The following MED13L variants were observed in gnomAD, a reference collection of about 807,000 sequenced individuals.
The protein encoded by MED13L is mediator complex subunit 13L.
In MED13L, 7 loss-of-function variants were observed where a neutral mutation model predicts 220.9. The ratio of observed to expected loss-of-function variants is 0.03; its 90% CI spans 0.02 to 0.06. The LOEUF (loss-of-function observed/expected upper bound fraction) is 0.06, where lower values mean the gene tolerates loss of function less well. Among genes scored for constraint, MED13L ranks in the 10% least tolerant of loss-of-function variants. The pLI is 1.00. For synonymous variants in MED13L, 1,011 were observed against 1,015.2 expected, an observed-to-expected ratio of 1.00 and a Z score of 0.08; for missense variants, 1,965 against 2,760.5, an observed-to-expected ratio of 0.71 and a Z score of 6.46.
At chr12:116,015,987 C>A (rs1354109356) in intron 7 of MED13L, among the ~76,000 whole-genome samples, 3 of 152,128 alleles carry the variant, frequency 2.0e-5, no homozygotes, top group African/African-American at 7.2e-5. Context: ...TAATCTATTT[C>A]TTTCAACTAT....
intron 2 of MED13L, among the ~76,000 whole-genome samples, chr12:116,119,956 C>T (rs1874895815): frequency 6.7e-6 from 1 of 148,494 alleles, no homozygotes; most frequent in Non-Finnish European, 1.5e-5. Flanking sequence ...AATGCTTTTA[C>T]ACCTACTGTT....
intron 2 of MED13L, chr12:116,148,630 TAC>T (rs781774720): frequency 0.012 from 2,190 of 179,824 alleles, 20 homozygotes; most frequent in Non-Finnish European, 0.019. Flanking sequence ...TATATATATA[TAC>T]GGAGCTAGAT....
chr12:116,163,137 C>T (rs1462898225), intron 2 of MED13L, among the ~76,000 whole-genome samples: 1 of 152,078 alleles, frequency 6.6e-6, no homozygotes, highest in East Asian at 1.9e-4. Context: ...TAAACTATTT[C>T]TTCTCAAATA....
chr12:116,004,690 T>C (rs1387235998), intron 13 of MED13L, among the ~76,000 whole-genome samples: 1 of 141,528 alleles, frequency 7.1e-6, no homozygotes, highest in Non-Finnish European at 1.6e-5. Flanking sequence ...CTTAAACTAA[T>C]GTCCCTCCCC....
At chr12:116,031,795 G>GAAAAAAA (rs1880856758) in intron 4 of MED13L, among the ~76,000 whole-genome samples, 1 of 147,804 alleles carries the variant, frequency 6.8e-6, no homozygotes, top group Non-Finnish European at 1.5e-5. Context: ...AAGGAAGGAA[G>GAAAAAAA]GAAGGAAAGA....
chr12:115,961,595 A>T (rs1383305039), intron 30 of MED13L, 197 bp from the exon 31 acceptor site: 1 of 737,074 alleles, frequency 1.4e-6, no homozygotes, highest in Non-Finnish European at 2.2e-6. Flanking sequence ...AGTAGCCAGC[A>T]GCCACACATG....
At chr12:116,084,471 G>C (rs1385725031) in intron 4 of MED13L, among the ~76,000 whole-genome samples, 1 of 151,972 alleles carries the variant, frequency 6.6e-6, no homozygotes, top group Non-Finnish European at 1.5e-5. Flanking sequence ...ATAATGTCTT[G>C]TTTCTTTCAC....
At position 116,172,370 on chromosome 12, in the gene MED13L, T is replaced by C. The variant is rs564869655; in HGVS notation, c.311-60858A>G. Among the ~76,000 whole-genome samples, 7 of 152,286 alleles carry C rather than the reference T, an allele frequency of 4.6e-5. No homozygotes were observed. In the East Asian group the frequency reaches 1.4e-3, roughly 29 times the overall value. On this transcript the variant is annotated intron_variant, in intron 2 of 30. Transcript: ENST00000281928. ...AGGTCACGTCAAACTGCCACTGCAT[T>C]GTTCCAGGTAGCCTGCTATGTCACT... is the stretch of plus-strand genomic sequence containing the variant.
At chr12:115,994,321 G>A (rs971360725) in intron 16 of MED13L, among the ~76,000 whole-genome samples, 4 of 152,088 alleles carry the variant, frequency 2.6e-5, no homozygotes, top group Admixed American at 6.5e-5. Flanking sequence ...GTGGTGGCAC[G>A]TGCCTGTAGT....
At chr12:116,024,921 A>C (rs957236500) in intron 4 of MED13L, among the ~76,000 whole-genome samples, 5 of 151,986 alleles carry the variant, frequency 3.3e-5, no homozygotes, top group African/African-American at 4.8e-5. Context: ...CCTTCTTTTA[A>C]ATCAAGTGTC....
chr12:116,006,024 A>G, intron 12 of MED13L, 31 bp from the exon 13 acceptor site: 1 of 1,613,520 alleles, frequency 6.2e-7, no homozygotes, highest in Non-Finnish European at 8.5e-7. Flanking sequence ...GACACAGAAT[A>G]AACAACTCCA....
intron 1 of MED13L, among the ~76,000 whole-genome samples, chr12:116,246,293 T>A (rs551582439): frequency 6.6e-6 from 1 of 150,840 alleles, no homozygotes; most frequent in East Asian, 2.0e-4. Context: ...GTCTGAAGAT[T>A]CAGGAAACAG....
At chr12:116,134,350 TAC>T (rs1481731456) in intron 2 of MED13L, among the ~76,000 whole-genome samples, 8 of 152,184 alleles carry the variant, frequency 5.3e-5, no homozygotes, top group African/African-American at 1.4e-4. Flanking sequence ...AACAAAAAGA[TAC>T]AGATTCAGTG....
chr12:116,064,768 A>C lies in MED13L; in HGVS notation c.479+31901T>G, dbSNP rs528794919. ...TCTCCTTACAGCTCTTCCATCTGAC[A>C]CTGGTACGGCACTGAGACTCGTCAC... On this transcript the variant is annotated intron_variant, in intron 4 of 30. Transcript: ENST00000281928. Among the ~76,000 whole-genome samples the C allele has an allele frequency of 3.3e-5, 5 of 152,292 alleles. No individual in the cohort carries two copies. In the South Asian group the frequency reaches 1.0e-3, roughly 32 times the overall value.
intron 2 of MED13L, among the ~76,000 whole-genome samples, chr12:116,179,073 T>C (rs1344734825): frequency 2.6e-5 from 4 of 152,100 alleles, no homozygotes; most frequent in East Asian, 1.9e-4. Flanking sequence ...CAAAAGTAAA[T>C]AGGAAACAGT....
intron 1 of MED13L, among the ~76,000 whole-genome samples, chr12:116,266,703 T>G (rs1317156437): frequency 1.3e-5 from 2 of 152,224 alleles, no homozygotes; most frequent in African/African-American, 4.8e-5. Flanking sequence ...AGATGGGAGT[T>G]TTTTTGTGAA....
intron 7 of MED13L, among the ~76,000 whole-genome samples, chr12:116,018,602 G>A (rs1326535799): frequency 6.6e-6 from 1 of 151,914 alleles, no homozygotes; most frequent in Non-Finnish European, 1.5e-5. Context: ...GTTAATATAG[G>A]AACTATACTA....
intron 2 of MED13L, among the ~76,000 whole-genome samples, chr12:116,187,888 A>G (rs1881000598): frequency 6.6e-6 from 1 of 152,020 alleles, no homozygotes; most frequent in African/African-American, 2.4e-5. Flanking sequence ...AAGTTAAAAA[A>G]AAAAAAAAAG....
At chr12:116,273,148 T>C (rs939013648) in intron 1 of MED13L, among the ~76,000 whole-genome samples, 4 of 151,618 alleles carry the variant, frequency 2.6e-5, no homozygotes, top group Non-Finnish European at 4.4e-5. Flanking sequence ...CTACTAAAAA[T>C]ACAAAATTAG....
Sources: allele counts gnomAD v4.1 joint callset (sites outside exome capture counted in the v4.1 genomes callset), GRCh38; gene constraint gnomAD v4.1.1; transcripts MANE v1.5; gene names NCBI Gene and HGNC (gene_info 2026-07-23, HGNC 2026-07-21).